GRIN2B: variants seen among roughly 807,000 people sequenced by gnomAD.
GRIN2B encodes glutamate receptor ionotropic, NMDA 2B.
Under a neutral mutation model 114.5 loss-of-function variants are expected in GRIN2B, and 5 were observed. That is an observed-to-expected ratio of 0.04 (90% CI 0.02 to 0.09). GRIN2B has a LOEUF of 0.09. Among genes scored for constraint, GRIN2B ranks in the 10% least tolerant of loss-of-function variants. The probability of loss-of-function intolerance (pLI) is 1.00; values close to 1 mark genes in which losing one functional copy is unlikely to be tolerated. For missense variants in GRIN2B, 1,108 were observed against 1,943.5 expected (o/e 0.57, Z 8.08); for synonymous variants, 787 against 745.1 (o/e 1.06, Z -0.92).
At chr12:13,963,397 G>A (rs139349070) in intron 2 of GRIN2B, among the ~76,000 whole-genome samples, 11 of 152,282 alleles carry the variant, frequency 7.2e-5, no homozygotes, top group Non-Finnish European at 1.6e-4. Context: ...GTGGAGGGTC[G>A]TTGAGGCACA....
At chr12:13,721,540 G>T (rs76198639) in intron 4 of GRIN2B, among the ~76,000 whole-genome samples, 3,065 of 152,036 alleles carry the variant, frequency 0.02, 50 homozygotes, top group Non-Finnish European at 0.034. Context: ...AACCTGCCTT[G>T]GTGACCTTAG....
chr12:13,730,621 T>C (rs898412017), intron 4 of GRIN2B, among the ~76,000 whole-genome samples: 2 of 152,182 alleles, frequency 1.3e-5, no homozygotes, highest in South Asian at 2.1e-4. Context: ...AATCTCATTG[T>C]AGGCGATAGT....
intron 10 of GRIN2B, among the ~76,000 whole-genome samples, chr12:13,579,232 G>A (rs972913902): frequency 6.6e-6 from 1 of 152,182 alleles, no homozygotes; most frequent in Admixed American, 6.5e-5. Flanking sequence ...GGTGACAGGA[G>A]GTTGACACAG....
At chr12:13,754,018 C>T in intron 3 of GRIN2B, 103 bp from the exon 4 acceptor site, 1 of 706,294 alleles carries the variant, frequency 1.4e-6, no homozygotes. Flanking sequence ...GTGTTCATTA[C>T]TTATTTTTAT....
chr12:13,958,771 T>G (rs994830884), intron 2 of GRIN2B, among the ~76,000 whole-genome samples: 6 of 152,140 alleles, frequency 3.9e-5, no homozygotes, highest in Non-Finnish European at 5.9e-5. Flanking sequence ...CCTCCTCCTC[T>G]TCTTCCCACC....
chr12:13,861,907 G>T (rs557140814), intron 3 of GRIN2B, among the ~76,000 whole-genome samples: 1 of 152,146 alleles, frequency 6.6e-6, no homozygotes, highest in Non-Finnish European at 1.5e-5. Flanking sequence ...TGTTAGGCTG[G>T]ACACTTCAGT....
intron 3 of GRIN2B, among the ~76,000 whole-genome samples, chr12:13,790,972 G>A (rs1785046638): frequency 6.6e-6 from 1 of 152,162 alleles, no homozygotes; most frequent in Non-Finnish European, 1.5e-5. Context: ...TGCAGACACA[G>A]AACTAGGGTC....
intron 3 of GRIN2B, among the ~76,000 whole-genome samples, chr12:13,786,473 T>G (rs1864223167): frequency 6.6e-6 from 1 of 152,168 alleles, no homozygotes; most frequent in Admixed American, 6.5e-5. Flanking sequence ...CTGAACTTAT[T>G]TGCTTTTCAA....
chr12:13,962,761 C>G (rs1338554852), intron 2 of GRIN2B, among the ~76,000 whole-genome samples: 1 of 152,190 alleles, frequency 6.6e-6, no homozygotes, highest in Non-Finnish European at 1.5e-5. Context: ...ACAAAAACTC[C>G]CTGGAGTCCA....
intron 2 of GRIN2B, among the ~76,000 whole-genome samples, chr12:13,929,624 C>T (rs1866985083): frequency 6.6e-6 from 1 of 152,182 alleles, no homozygotes; most frequent in African/African-American, 2.4e-5. Context: ...ATCCAGCTTT[C>T]CTCTATCCTG....
intron 10 of GRIN2B, among the ~76,000 whole-genome samples, chr12:13,588,166 T>G (rs1191643088): frequency 6.6e-6 from 1 of 152,168 alleles, no homozygotes; most frequent in African/African-American, 2.4e-5. Context: ...TGTCAATGGA[T>G]TACAGAGAAG....
chr12:13,869,788 T>A (rs1424960994), intron 2 of GRIN2B, among the ~76,000 whole-genome samples: 1 of 152,172 alleles, frequency 6.6e-6, no homozygotes, highest in Non-Finnish European at 1.5e-5. Flanking sequence ...CAAAACCAAC[T>A]GACGTTTTAA....
chr12:13,780,798 A>C (rs1270424239), intron 3 of GRIN2B, among the ~76,000 whole-genome samples: 1 of 151,190 alleles, frequency 6.6e-6, no homozygotes. Flanking sequence ...GATTCTTTTC[A>C]AGGCCCAGAA....
At chr12:13,649,594 C>T (rs1176112392) in intron 5 of GRIN2B, among the ~76,000 whole-genome samples, 1 of 152,034 alleles carries the variant, frequency 6.6e-6, no homozygotes, top group African/African-American at 2.4e-5. Context: ...CCCAAGTTAA[C>T]TTGATAGAAA....
chr12:13,799,108 C>G (rs1173245583), intron 3 of GRIN2B, among the ~76,000 whole-genome samples: 1 of 152,180 alleles, frequency 6.6e-6, no homozygotes, highest in East Asian at 1.9e-4. Flanking sequence ...AGCAACCACC[C>G]ATTGCATCCC....
chr12:13,676,385 G>T (rs1238651658), intron 4 of GRIN2B, among the ~76,000 whole-genome samples: 3 of 152,202 alleles, frequency 2.0e-5, no homozygotes, highest in African/African-American at 7.2e-5. Flanking sequence ...TTTGGTTTAA[G>T]TTCAGCCTAG....
At chr12:13,927,950 G>A (rs1047490365) in intron 2 of GRIN2B, among the ~76,000 whole-genome samples, 1 of 65,936 alleles carries the variant, frequency 1.5e-5, no homozygotes, top group African/African-American at 5.4e-5. Flanking sequence ...CTGGGAAACA[G>A]AGCAAGACCC....
intron 2 of GRIN2B, among the ~76,000 whole-genome samples, chr12:13,939,988 T>C (rs887783307): frequency 1.1e-4 from 16 of 152,292 alleles, no homozygotes; most frequent in African/African-American, 3.6e-4. Context: ...GTAACCACAG[T>C]GACCTGTAAA....
At chr12:13,692,894 G>A (rs994028046) in intron 4 of GRIN2B, among the ~76,000 whole-genome samples, 5 of 147,844 alleles carry the variant, frequency 3.4e-5, no homozygotes, top group South Asian at 4.3e-4. Flanking sequence ...TCAGCCTCCC[G>A]AGTAGCTGGG....
Sources: gnomAD v4.1 joint callset for allele counts (sites outside exome capture counted in the v4.1 genomes callset) on GRCh38, gnomAD v4.1.1 for gene constraint, MANE v1.5 for transcripts, NCBI Gene and HGNC (gene_info 2026-07-23, HGNC 2026-07-21) for gene names.